DAB1: variants seen among roughly 807,000 people sequenced by gnomAD.
DAB1 encodes DAB adaptor protein 1, also known as disabled homolog 1.
DAB1 carries 15 observed loss-of-function variants against 64.6 expected under a neutral mutation model. That is an observed-to-expected ratio of 0.23 (90% CI 0.16 to 0.36). DAB1 has a LOEUF of 0.36. Among genes scored for constraint, DAB1 ranks in the 10% least tolerant of loss-of-function variants. The pLI is 1.00. For missense variants in DAB1, 596 were observed against 706.7 expected, an observed-to-expected ratio of 0.84 and a Z score of 1.78; for synonymous variants, 235 against 251.9, an observed-to-expected ratio of 0.93 and a Z score of 0.64.
intron 6 of DAB1, among the ~76,000 whole-genome samples, chr1:57,721,702 C>T (rs1263802801): frequency 6.6e-6 from 1 of 152,138 alleles, no homozygotes; most frequent in Non-Finnish European, 1.5e-5. Flanking sequence ...GAAATGGGAC[C>T]AGGGCCAGTA....
intron 1 of DAB1, among the ~76,000 whole-genome samples, chr1:57,368,640 A>G (rs1680253494): frequency 6.6e-6 from 1 of 152,034 alleles, no homozygotes; most frequent in African/African-American, 2.4e-5. Flanking sequence ...TGATGGGATG[A>G]TCTTCCTCCA....
At chr1:57,041,838 A>G (rs1647829416) in intron 9 of DAB1, among the ~76,000 whole-genome samples, 1 of 152,228 alleles carries the variant, frequency 6.6e-6, no homozygotes, top group Non-Finnish European at 1.5e-5. Flanking sequence ...AGAAGAGACT[A>G]CAGAAATCTC....
chr1:57,052,188 A>G (rs1459730198), intron 9 of DAB1, among the ~76,000 whole-genome samples: 4 of 152,176 alleles, frequency 2.6e-5, no homozygotes, highest in Admixed American at 2.6e-4. Context: ...TCCACAGCAT[A>G]CAGCAGATGC....
chr1:57,071,268 A>G lies in DAB1; in HGVS notation c.559-207T>C, dbSNP rs3738555. The G allele has an allele frequency of 0.2, 129,662 of 650,404 alleles. 16,022 individuals carry two copies. The highest frequency in any genetic ancestry group is 0.49 in the East Asian group (17,801 of 36,090). The allele number at this position is 650,404 out of a possible 1,614,324, so 40.3% of individuals were successfully genotyped here. On this transcript the variant is annotated intron_variant, in intron 6 of 14. Coordinates refer to ENST00000371236, the MANE Select transcript of DAB1 (RefSeq NM_001365792.1). ...CGCACTGTTAACAACAGCAAAAGCA[A>G]TTGTGTTTCTTGGGTCCTCCACCCC...
At chr1:57,992,025 A>G (rs1646350738) in intron 5 of DAB1, among the ~76,000 whole-genome samples, 1 of 152,118 alleles carries the variant, frequency 6.6e-6, no homozygotes, top group Non-Finnish European at 1.5e-5. Flanking sequence ...GCAGTCAGCC[A>G]GAGCTCGCTG....
intron 7 of DAB1, among the ~76,000 whole-genome samples, chr1:57,595,820 C>T (rs1005702826): frequency 6.6e-6 from 1 of 152,132 alleles, no homozygotes; most frequent in Non-Finnish European, 1.5e-5. Context: ...CACCTCTCTT[C>T]CTCCTCCTCC....
At chr1:57,382,349 C>A (rs1044730377) in intron 1 of DAB1, among the ~76,000 whole-genome samples, 1 of 152,148 alleles carries the variant, frequency 6.6e-6, no homozygotes, top group Admixed American at 6.5e-5. Flanking sequence ...TCCTTACCTC[C>A]CAATGTTGGT....
intron 4 of DAB1, among the ~76,000 whole-genome samples, chr1:57,113,855 C>T (rs1022042064): frequency 1.3e-5 from 2 of 152,092 alleles, no homozygotes; most frequent in Non-Finnish European, 2.9e-5. Flanking sequence ...TTTCTCATTC[C>T]AAAGCATGTG....
intron 4 of DAB1, among the ~76,000 whole-genome samples, chr1:58,155,467 CTG>C (rs371962719): frequency 1.4e-4 from 21 of 152,210 alleles, no homozygotes; most frequent in African/African-American, 4.3e-4. Context: ...TAAGTTAACA[CTG>C]TGAAAAACGG....
At chr1:58,306,007 A>T (rs1662300366) in intron 4 of DAB1, among the ~76,000 whole-genome samples, 1 of 150,542 alleles carries the variant, frequency 6.6e-6, no homozygotes, top group Admixed American at 6.6e-5. Flanking sequence ...CACACATTAT[A>T]GTCCTCCTCC....
chr1:57,819,909 C>A (rs1297753430), intron 6 of DAB1, among the ~76,000 whole-genome samples: 1 of 152,230 alleles, frequency 6.6e-6, no homozygotes, highest in Non-Finnish European at 1.5e-5. Flanking sequence ...CTCCTAAACT[C>A]TGTCTGCAAC....
chr1:58,341,620 T>G (rs1643935361), intron 4 of DAB1, among the ~76,000 whole-genome samples: 3 of 152,178 alleles, frequency 2.0e-5, no homozygotes, highest in Admixed American at 2.0e-4. Flanking sequence ...AAGTGGTAGT[T>G]GAGATTTGAA....
At chr1:57,782,463 G>C (rs1423992700) in intron 6 of DAB1, among the ~76,000 whole-genome samples, 1 of 152,106 alleles carries the variant, frequency 6.6e-6, no homozygotes, top group Non-Finnish European at 1.5e-5. Context: ...GTCTCGATCT[G>C]TGCAAACACT....
At chr1:58,002,337 T>A (rs1252324099) in intron 5 of DAB1, among the ~76,000 whole-genome samples, 1 of 152,208 alleles carries the variant, frequency 6.6e-6, no homozygotes, top group East Asian at 1.9e-4. Context: ...ATTGTTTGTT[T>A]TTCTTTAAAC....
intron 1 of DAB1, among the ~76,000 whole-genome samples, chr1:57,332,423 T>A (rs1269884315): frequency 6.6e-6 from 1 of 152,228 alleles, no homozygotes. Context: ...CTGTTACCTT[T>A]CTAGTTTTCT....
intron 7 of DAB1, among the ~76,000 whole-genome samples, chr1:57,606,514 TATATATA>T (rs1408479327): frequency 9.7e-5 from 7 of 72,008 alleles, no homozygotes; most frequent in South Asian, 4.2e-4. Flanking sequence ...TATAATATAA[TATATATA>T]ATATATAATA....
At chr1:57,982,311 A>G (rs1646085866) in intron 5 of DAB1, among the ~76,000 whole-genome samples, 1 of 152,266 alleles carries the variant, frequency 6.6e-6, no homozygotes, top group African/African-American at 2.4e-5. Context: ...CATGAAGCAG[A>G]GAAGTCAACT....
At chr1:58,204,494 G>A (rs1196639810) in intron 4 of DAB1, among the ~76,000 whole-genome samples, 2 of 152,180 alleles carry the variant, frequency 1.3e-5, no homozygotes, top group African/African-American at 4.8e-5. Flanking sequence ...CCAGTAGGGG[G>A]TAGAGAAGTG....
intron 4 of DAB1, among the ~76,000 whole-genome samples, chr1:58,231,165 T>C (rs1659759075): frequency 6.6e-6 from 1 of 152,196 alleles, no homozygotes; most frequent in Admixed American, 6.5e-5. Flanking sequence ...CTTTATTGTA[T>C]ATATGAGGAA....
Sources: gnomAD v4.1 joint callset for allele counts (sites outside exome capture counted in the v4.1 genomes callset) on GRCh38, gnomAD v4.1.1 for gene constraint, MANE v1.5 for transcripts, NCBI Gene and HGNC (gene_info 2026-07-23, HGNC 2026-07-21) for gene names.